Variants in ADAM10 observed in about 807,000 individuals in gnomAD.
ADAM10 encodes the protein disintegrin and metalloproteinase domain-containing protein 10.
Under a neutral mutation model 90.1 loss-of-function variants are expected in ADAM10, and 17 were observed. That is an observed-to-expected ratio of 0.19 (90% CI 0.13 to 0.28). ADAM10 has a LOEUF of 0.28. Among genes scored for constraint, ADAM10 ranks in the 10% least tolerant of loss-of-function variants. The pLI is 1.00. For missense variants in ADAM10, 610 were observed against 914.3 expected (o/e 0.67, Z 4.29); for synonymous variants, 310 against 298.6 (o/e 1.04, Z -0.40).
intron 10 of ADAM10, among the ~76,000 whole-genome samples, chr15:58,625,493 CTG>C (rs1266633201): frequency 6.6e-6 from 1 of 152,130 alleles, no homozygotes; most frequent in Non-Finnish European, 1.5e-5. Flanking sequence ...AAATAAAAAA[CTG>C]TGAAAACTCC....
chr15:58,618,773 T>C (rs757778092), intron 11 of ADAM10, among the ~76,000 whole-genome samples: 8 of 151,832 alleles, frequency 5.3e-5, no homozygotes, highest in Non-Finnish European at 8.8e-5. Flanking sequence ...ATATCACTAA[T>C]CATCAGGGAA....
chr15:58,605,222 C>T (rs938943106), intron 14 of ADAM10, among the ~76,000 whole-genome samples: 1 of 152,260 alleles, frequency 6.6e-6, no homozygotes, highest in South Asian at 2.1e-4. Context: ...TCAGAACTTC[C>T]AGTTCCTTCT....
chr15:58,693,804 T>C (rs2140778272), intron 2 of ADAM10, among the ~76,000 whole-genome samples: 2 of 147,798 alleles, frequency 1.4e-5, no homozygotes, highest in South Asian at 4.2e-4. Flanking sequence ...GAGAAAACAT[T>C]TGCAATACAT....
intron 4 of ADAM10, among the ~76,000 whole-genome samples, chr15:58,670,866 G>A (rs1897175768): frequency 6.6e-6 from 1 of 151,940 alleles, no homozygotes; most frequent in South Asian, 2.1e-4. Flanking sequence ...CAACTTTAAA[G>A]GAAAAGTAGT....
chr15:58,687,289 G>C (rs1897629538), intron 2 of ADAM10, among the ~76,000 whole-genome samples: 2 of 152,208 alleles, frequency 1.3e-5, no homozygotes, highest in African/African-American at 4.8e-5. Context: ...AAATGAAGCA[G>C]ATTTGGTCTT....
intron 1 of ADAM10, among the ~76,000 whole-genome samples, chr15:58,724,945 C>G (rs1375236030): frequency 6.6e-6 from 1 of 152,066 alleles, no homozygotes; most frequent in African/African-American, 2.4e-5. Context: ...AATCCCAACA[C>G]TTTGGGAGGC....
rs1299529392 is a variant in ADAM10, at chr15:58,679,194, C to T, written c.414G>A (p.Glu138=). Residue 138 remains glutamate (E), a synonymous_variant, in exon 4 of 16, where the codon GAG becomes GAA. Transcript: ENST00000260408. ...GGTCTTTAATATATCTCTCTGCTGG[C>T]TCAACATAAAATGTGCCACCACGAG... is the stretch of plus-strand genomic sequence containing the variant. ...IQTRGGTFYV[E]PAERYIKDRT... is the part of the protein sequence containing the mutation. 6.2e-6 allele frequency: 10 copies of T among 1,614,006 alleles called. No individual in the cohort carries two copies. Among genetic ancestry groups the T allele is most frequent in the Non-Finnish European group, 8.5e-6 (10 of 1,179,980 alleles).
rs182477443 is a variant in ADAM10, at chr15:58,628,256, A to G, written c.1177-373T>C. On this transcript the variant is annotated intron_variant, in intron 9 of 15. Coordinates refer to ENST00000260408, the MANE Select transcript of ADAM10 (RefSeq NM_001110.4). ...GTCTCTAACACATATGTTAAATTAC[A>G]TGTTATGAATAGTTCAGAGAAGACA... 5.1e-3 allele frequency among the ~76,000 whole-genome samples: 777 copies of G among 152,308 alleles called. 9 individuals carry two copies. The highest frequency in any genetic ancestry group is 0.015 in the African/African-American group (626 of 41,560).
At chr15:58,645,386 T>C (rs1332879745) in intron 6 of ADAM10, among the ~76,000 whole-genome samples, 2 of 152,242 alleles carry the variant, frequency 1.3e-5, no homozygotes, top group Non-Finnish European at 2.9e-5. Flanking sequence ...TTTGGTTTCA[T>C]TCTTTCCACA....
Position 58,627,603 on chromosome 15 carries a change from G to A in ADAM10, c.1360+97C>T, listed in dbSNP as rs563229272. 1.9e-5 allele frequency: 19 copies of A among 1,018,646 alleles called. No homozygotes were observed. In the African/African-American group the frequency reaches 3.0e-4, roughly 16 times the overall value. The allele number at this position is 1,018,646 out of a possible 1,614,324, so 63.1% of individuals were successfully genotyped here. A position where few individuals can be genotyped will look rare whatever the true frequency, so the allele number is the denominator to read the frequency against. On this transcript the variant is annotated intron_variant, in intron 10 of 15. Coordinates refer to ENST00000260408, the MANE Select transcript of ADAM10 (RefSeq NM_001110.4). ...AGCAAAGTGTTAGCAATAGTAAAAT[G>A]CAGGTGGTGGGTATGTCAGTAATCA...
At chr15:58,707,044 AAAAAG>A (rs1213391780) in intron 2 of ADAM10, among the ~76,000 whole-genome samples, 6 of 142,618 alleles carry the variant, frequency 4.2e-5, no homozygotes, top group African/African-American at 1.0e-4. Flanking sequence ...AGATAAAAAG[AAAAAG>A]AAAAGAAAAG....
At chr15:58,723,485 G>T (rs1409909035) in intron 1 of ADAM10, among the ~76,000 whole-genome samples, 1 of 152,064 alleles carries the variant, frequency 6.6e-6, no homozygotes, top group Non-Finnish European at 1.5e-5. Context: ...AGGAGTTTGA[G>T]ACCAGCCTGG....
intron 2 of ADAM10, among the ~76,000 whole-genome samples, chr15:58,702,487 G>A (rs897021076): frequency 3.3e-5 from 5 of 152,056 alleles, no homozygotes; most frequent in Non-Finnish European, 5.9e-5. Flanking sequence ...TAGAAATAAC[G>A]AATACTTGAG....
chr15:58,732,820 C>T (rs1267989364), intron 1 of ADAM10: 7 of 154,170 alleles, frequency 4.5e-5, no homozygotes, highest in African/African-American at 1.7e-4. Context: ...GAGTGCAGAT[C>T]ATGTGACAAG....
Position 58,691,525 on chromosome 15 carries a change from G to C in ADAM10, c.207-9211C>G, listed in dbSNP as rs764876021. 12 of 566,442 alleles carry C rather than the reference G, an allele frequency of 2.1e-5. No individual in the cohort carries two copies. In the East Asian group the frequency reaches 4.6e-4, roughly 22 times the overall value. 35.1% of individuals were successfully genotyped at this position (566,442 alleles called of 1,614,324 possible). ...ATCTCATCTCCAGACTGGAAGGTGT[G>C]AGACCACAGCAGTTCAGACAGGTGT... is the stretch of plus-strand genomic sequence containing the variant. On this transcript the variant is annotated intron_variant, in intron 2 of 15. Transcript: ENST00000260408.
At chr15:58,706,070 A>T (rs1232227833) in intron 2 of ADAM10, among the ~76,000 whole-genome samples, 1 of 152,236 alleles carries the variant, frequency 6.6e-6, no homozygotes, top group Non-Finnish European at 1.5e-5. Context: ...GTAGACTAAA[A>T]AGAAGTTGCC....
rs534213242 is a variant in ADAM10, at chr15:58,651,877, G to A, written c.586-5673C>T. Among the ~76,000 whole-genome samples, 19 of 152,142 alleles carry A rather than the reference G, an allele frequency of 1.2e-4. No homozygotes were observed. In the South Asian group the frequency reaches 2.3e-3, roughly 18 times the overall value. ...TGCATTCCCACCAACAGTGTGTGGCGGTTTCCTTTTCCCCACATCCTCACC... is the reference window on the plus strand; with the variant it reads ...TGCATTCCCACCAACAGTGTGTGGCAGTTTCCTTTTCCCCACATCCTCACC... On this transcript the variant is annotated intron_variant, in intron 5 of 15. Coordinates refer to ENST00000260408, the MANE Select transcript of ADAM10 (RefSeq NM_001110.4).
rs1322464188 is a variant in ADAM10, at chr15:58,633,089, A to G, written c.1176+107T>C. On this transcript the variant is annotated intron_variant, in intron 9 of 15. Transcript: ENST00000260408. ...ATTACTGTGCTCTGACATAAAAACTAAACACTCGTAAGTACATTTGTTTTC... is the reference window on the plus strand; with the variant it reads ...ATTACTGTGCTCTGACATAAAAACTGAACACTCGTAAGTACATTTGTTTTC... The G allele has an allele frequency of 3.7e-6, 4 of 1,094,886 alleles. No individual in the cohort carries two copies. The African/African-American group carries it at 4.7e-5, about 13-fold the overall frequency. 67.8% of individuals were successfully genotyped at this position (1,094,886 alleles called of 1,614,324 possible).
At chr15:58,717,878 T>C in intron 1 of ADAM10, 151 bp from the exon 2 acceptor site, 1 of 1,229,770 alleles carries the variant, frequency 8.1e-7, no homozygotes, top group Non-Finnish European at 1.1e-6. Context: ...TTAACACATA[T>C]ATTATTAAAA....
Sources: gnomAD v4.1 joint callset for allele counts (sites outside exome capture counted in the v4.1 genomes callset) on GRCh38, gnomAD v4.1.1 for gene constraint, MANE v1.5 for transcripts, NCBI Gene and HGNC (gene_info 2026-07-23, HGNC 2026-07-21) for gene names.